NSL1: variants seen among roughly 807,000 people sequenced by gnomAD.
NSL1 encodes NSL1 component of MIS12 kinetochore complex, also known as kinetochore-associated protein NSL1 homolog.
NSL1 carries 11 observed loss-of-function variants against 25.4 expected under a neutral mutation model. The observed-to-expected ratio is 0.43, with a 90% confidence interval of 0.27 to 0.72. The LOEUF (loss-of-function observed/expected upper bound fraction) is 0.72, where lower values mean the gene tolerates loss of function less well. Among genes scored for constraint, NSL1 ranks in the 30% least tolerant of loss-of-function variants. The probability of loss-of-function intolerance (pLI) is 0.19; values close to 1 mark genes in which losing one functional copy is unlikely to be tolerated. For missense variants in NSL1, 330 were observed against 342.7 expected, an observed-to-expected ratio of 0.96 and a Z score of 0.29; for synonymous variants, 118 against 120.6, an observed-to-expected ratio of 0.98 and a Z score of 0.14.
At chr1:212,781,429 T>C (rs751696756) in intron 4 of NSL1, among the ~76,000 whole-genome samples, 17 of 152,234 alleles carry the variant, frequency 1.1e-4, no homozygotes, top group Non-Finnish European at 2.2e-4. Context: ...TACCCCTTTT[T>C]AGTGAACCAT....
In NSL1 at chr1:212,731,610, C is replaced by G. The variant is rs1658018646; in HGVS notation, c.*6798G>C. 1 of 985,310 alleles carries G rather than the reference C, an allele frequency of 1.0e-6. No individual in the cohort carries two copies. The highest frequency in any genetic ancestry group is 6.2e-5 in the Admixed American group (1 of 16,260). The allele number at this position is 985,310 out of a possible 1,614,324, so 61.0% of individuals were successfully genotyped here. Reference sequence around the variant, plus strand: ...TTATCAGTCCCTGGCCCAGTTCCCCCACCTAAGTTCATCCACAGAGTTAAT... The same window carrying G: ...TTATCAGTCCCTGGCCCAGTTCCCCGACCTAAGTTCATCCACAGAGTTAAT... On this transcript the variant is annotated 3_prime_UTR_variant, in exon 6 of 6. Coordinates refer to ENST00000366977, the MANE Select transcript of NSL1 (RefSeq NM_015471.4).
At position 212,730,237 on chromosome 1, in the gene NSL1, CAAAAAAAAAAAAAAAAA is replaced by C; in HGVS notation, c.*8154_*8170del. ...TACACTCCAGCCTGGGTGACAGTCT[CAAAAAAAAAAAAAAAAA>C]AAAAAAAAAAAGAAATGCGCCAAGT... On this transcript the variant is annotated 3_prime_UTR_variant, in exon 6 of 6. Transcript: ENST00000366977. 11 of 603,210 alleles carry C rather than the reference CAAAAAAAAAAAAAAAAA, an allele frequency of 1.8e-5. No individual in the cohort carries two copies. The highest frequency in any genetic ancestry group is 2.0e-5 in the Non-Finnish European group (11 of 539,260). 37.4% of individuals were successfully genotyped at this position (603,210 alleles called of 1,614,324 possible). A position where few individuals can be genotyped will look rare whatever the true frequency, so the allele number is the denominator to read the frequency against.
rs1658157667 is a variant in NSL1 at position 212,734,557 on chromosome 1, C to T, written c.*3851G>A. 6.6e-6 allele frequency among the ~76,000 whole-genome samples: 1 copy of T among 152,194 alleles called. No individual in the cohort carries two copies. The highest frequency in any genetic ancestry group is 1.5e-5 in the Non-Finnish European group (1 of 68,046). ...GTGCCATTCCCAGTTAATATCTCCC[C>T]TCTCCCCAGAGGGAACCACCATGGC... On this transcript the variant is annotated 3_prime_UTR_variant, in exon 6 of 6. Coordinates refer to ENST00000366977, the MANE Select transcript of NSL1 (RefSeq NM_015471.4).
In NSL1 at chr1:212,730,543, T is replaced by A. The variant is rs1366693242; in HGVS notation, c.*7865A>T. 4 of 985,276 alleles carry A rather than the reference T, an allele frequency of 4.1e-6. No individual in the cohort carries two copies. Among genetic ancestry groups the A allele is most frequent in the Non-Finnish European group, 4.8e-6 (4 of 829,930 alleles). The allele number at this position is 985,276 out of a possible 1,614,324, so 61.0% of individuals were successfully genotyped here. On this transcript the variant is annotated 3_prime_UTR_variant, in exon 6 of 6. Transcript: ENST00000366977. ...CTTTTACACAGGCACAGGAGTCAGC[T>A]GGAGCAGAAGACCTGCAGGGAGAAG...
rs1657987839 is a variant in NSL1 at position 212,730,935 on chromosome 1, A to G, written c.*7473T>C. 2.0e-6 allele frequency: 2 copies of G among 985,454 alleles called. No individual in the cohort carries two copies. Among genetic ancestry groups the G allele is most frequent in the South Asian group, 4.7e-5 (1 of 21,288 alleles). The allele number at this position is 985,454 out of a possible 1,614,324, so 61.0% of individuals were successfully genotyped here. A position where few individuals can be genotyped will look rare whatever the true frequency, so the allele number is the denominator to read the frequency against. ...GGAAACCGACAAGTTAGAAATTTGC[A>G]ATATGAACTCATTCATTCAACGAAT... On this transcript the variant is annotated 3_prime_UTR_variant, in exon 6 of 6. Transcript: ENST00000366977.
chr1:212,747,128 CA>C (rs138411233), intron 4 of NSL1, among the ~76,000 whole-genome samples: 21,888 of 128,086 alleles, frequency 0.17, 2,803 homozygotes, highest in African/African-American at 0.4. Flanking sequence ...GGCGACAGAG[CA>C]AAAAAAAAAA....
intron 4 of NSL1, among the ~76,000 whole-genome samples, chr1:212,740,894 A>C (rs1213904433): frequency 6.6e-6 from 1 of 152,234 alleles, no homozygotes; most frequent in Non-Finnish European, 1.5e-5. Context: ...TATAAAAACA[A>C]TGAGTGTAAA....
In NSL1 at chr1:212,787,598, C is replaced by T; in HGVS notation, c.274G>A (p.Gly92Arg). Residue 92 changes from glycine (G) to arginine (R), a missense_variant, in exon 2 of 6, where the codon GGG (glycine) becomes AGG (arginine). Coordinates refer to ENST00000366977, the MANE Select transcript of NSL1 (RefSeq NM_015471.4). ...SAVQENISIN[G>R]QAWQEASDNC... ...TCTGAAGCTTCCTGCCATGCTTGCC[C>T]ATTAATGCTGATATTCTCTTGCACA... 6 of 1,607,212 alleles carry T rather than the reference C, an allele frequency of 3.7e-6. No homozygotes were observed. Among genetic ancestry groups the T allele is most frequent in the Non-Finnish European group, 5.1e-6 (6 of 1,177,198 alleles).
chr1:212,734,955 A>G lies in NSL1; in HGVS notation c.*3453T>C, dbSNP rs1658175600. ...AAAGAAGTAATAACAGTGATCATAGAGTACTCATATGCACCAGTTATTAGT... is the reference window on the plus strand; with the variant it reads ...AAAGAAGTAATAACAGTGATCATAGGGTACTCATATGCACCAGTTATTAGT... On this transcript the variant is annotated 3_prime_UTR_variant, in exon 6 of 6. Coordinates refer to ENST00000366977, the MANE Select transcript of NSL1 (RefSeq NM_015471.4). 6.6e-6 allele frequency among the ~76,000 whole-genome samples: 1 copy of G among 152,232 alleles called. No individual in the cohort carries two copies. The highest frequency in any genetic ancestry group is 2.4e-5 in the African/African-American group (1 of 41,460).
rs1280203730 is a variant in NSL1 at position 212,736,903 on chromosome 1, C to T, written c.*1505G>A. 7.1e-5 allele frequency: 70 copies of T among 984,462 alleles called. No homozygotes were observed. The highest frequency in any genetic ancestry group is 7.6e-5 in the Non-Finnish European group (63 of 829,204). The allele number at this position is 984,462 out of a possible 1,614,324, so 61.0% of individuals were successfully genotyped here. The stretch of plus-strand genomic sequence containing the variant: ...GGGAGGGACCATGTTCTTATATAAT[C>T]AAAATGCAAGTAGCTTATATAATCT... On this transcript the variant is annotated 3_prime_UTR_variant, in exon 6 of 6. Transcript: ENST00000366977.
chr1:212,786,834 A>T (rs1660967922), intron 2 of NSL1, among the ~76,000 whole-genome samples: 1 of 152,194 alleles, frequency 6.6e-6, no homozygotes, highest in African/African-American at 2.4e-5. Context: ...ATTGAACAGG[A>T]AAGAATTATT....
chr1:212,780,914 A>C (rs1358256448), intron 4 of NSL1, among the ~76,000 whole-genome samples: 2 of 152,152 alleles, frequency 1.3e-5, no homozygotes, highest in African/African-American at 4.8e-5. Context: ...TATTTAGTGC[A>C]GAGCTGGAAT....
chr1:212,730,048 C>T lies in NSL1; in HGVS notation c.*8360G>A, dbSNP rs1021254518. ...AGTGGATCACCTGAGGTCAGGAGTT[C>T]GAGACCAGCCTGACCAACATGGCAA... is the stretch of plus-strand genomic sequence containing the variant. On this transcript the variant is annotated 3_prime_UTR_variant, in exon 6 of 6. Coordinates refer to ENST00000366977, the MANE Select transcript of NSL1 (RefSeq NM_015471.4). 16 of 923,834 alleles carry T rather than the reference C, an allele frequency of 1.7e-5. No homozygotes were observed. Among genetic ancestry groups the T allele is most frequent in the African/African-American group, 5.4e-5 (3 of 55,690 alleles). 57.2% of individuals were successfully genotyped at this position (923,834 alleles called of 1,614,324 possible). A position where few individuals can be genotyped will look rare whatever the true frequency, so the allele number is the denominator to read the frequency against.
At position 212,784,478 on chromosome 1, in the gene NSL1, A is replaced by C; in HGVS notation, c.329T>G (p.Val110Gly). The change falls in exon 3 of 6, where the codon GTA (valine) becomes GGA (glycine). Residue 110 changes from valine (V) to glycine (G), a missense_variant. Physicochemically the swap from Val to Gly is moderately radical, Grantham distance 109. Coordinates refer to ENST00000366977, the MANE Select transcript of NSL1 (RefSeq NM_015471.4). ...DNCFMDSDIK[V>G]LEDQFDEIIV... ...GATTTCATCAAACTGATCTTCAAGT[A>C]CTTTGATGTCAGAATCTATTTGAGA... 6.4e-7 allele frequency: 1 copy of C among 1,554,588 alleles called. No homozygotes were observed. Among genetic ancestry groups the C allele is most frequent in the East Asian group, 2.3e-5 (1 of 44,222 alleles).
chr1:212,740,787 A>C (rs1658468145), intron 4 of NSL1, among the ~76,000 whole-genome samples: 1 of 152,228 alleles, frequency 6.6e-6, no homozygotes, highest in African/African-American at 2.4e-5. Context: ...TTTTAAAATA[A>C]AATTTAAAAT....
intron 4 of NSL1, 128 bp downstream of exon 4, chr1:212,782,244 T>TG: frequency 1.4e-6 from 1 of 734,772 alleles, no homozygotes; most frequent in Non-Finnish European, 2.5e-6. Flanking sequence ...TAAACATGAA[T>TG]GACTGGTAGG....
intron 4 of NSL1, among the ~76,000 whole-genome samples, chr1:212,747,401 C>T (rs931302089): frequency 1.3e-5 from 2 of 152,226 alleles, no homozygotes; most frequent in East Asian, 3.8e-4. Context: ...GAGAGGCCCA[C>T]GTTGTAAGGA....
intron 1 of NSL1, among the ~76,000 whole-genome samples, chr1:212,789,455 G>A (rs1033994244): frequency 1.4e-5 from 2 of 148,128 alleles, no homozygotes; most frequent in Admixed American, 1.3e-4. Flanking sequence ...CAGGTGATCC[G>A]CCCGCCTCAG....
intron 4 of NSL1, among the ~76,000 whole-genome samples, chr1:212,743,144 A>G (rs1477367630): frequency 6.6e-6 from 1 of 152,180 alleles, no homozygotes; most frequent in Admixed American, 6.5e-5. Flanking sequence ...CTCTAGCTGC[A>G]AAGATTTTTG....
Sources: gnomAD v4.1 joint callset for allele counts (sites outside exome capture counted in the v4.1 genomes callset) on GRCh38, gnomAD v4.1.1 for gene constraint, MANE v1.5 for transcripts, NCBI Gene and HGNC (gene_info 2026-07-23, HGNC 2026-07-21) for gene names.